The following MAP3K13 variants were observed in gnomAD, a reference collection of about 807,000 sequenced individuals.
The protein encoded by MAP3K13 is leucine zipper-bearing kinase.
A neutral mutation model predicts 104.0 loss-of-function variants in MAP3K13; 52 were observed. The ratio of observed to expected loss-of-function variants is 0.50; its 90% CI spans 0.40 to 0.63. The LOEUF (loss-of-function observed/expected upper bound fraction) is 0.63, where lower values mean the gene tolerates loss of function less well. MAP3K13 is among the 20% of genes least tolerant of loss of function. MAP3K13 has a pLI of 0.00. For missense variants in MAP3K13, 914 were observed against 1,218.5 expected (o/e 0.75, Z 3.72); for synonymous variants, 394 against 442.2 (o/e 0.89, Z 1.37).
At chr3:185,343,185 C>T (rs1053317591) in intron 2 of MAP3K13, among the ~76,000 whole-genome samples, 1 of 152,038 alleles carries the variant, frequency 6.6e-6, no homozygotes, top group Admixed American at 6.6e-5. Context: ...CATCCCAGCA[C>T]CTTTTCTGTA....
chr3:185,355,665 AG>A (rs1723324072), intron 2 of MAP3K13, among the ~76,000 whole-genome samples: 1 of 152,154 alleles, frequency 6.6e-6, no homozygotes, highest in African/African-American at 2.4e-5. Context: ...CAAAAAGCAA[AG>A]AGAACTCAGA....
chr3:185,466,826 G>A lies in MAP3K13; in HGVS notation c.1506G>A (p.Lys502=), dbSNP rs1560128285. ...QLEMREKELI[K]REQAVEKKYP... is the part of the protein sequence containing the mutation. Reference sequence around the variant, plus strand: ...TGTGGCTTTTGCCTTTATTCTGCAGGCGTGAGCAAGCAGTGGAAAAGAAGT... The same window carrying A: ...TGTGGCTTTTGCCTTTATTCTGCAGACGTGAGCAAGCAGTGGAAAAGAAGT... The change falls in exon 10 of 14, where the codon AAG becomes AAA. Residue 502 remains lysine (K), a splice_region_variant and synonymous_variant. Coordinates refer to ENST00000265026, the MANE Select transcript of MAP3K13 (RefSeq NM_004721.5). 1.2e-6 allele frequency: 2 copies of A among 1,613,916 alleles called. No homozygotes were observed. Among genetic ancestry groups the A allele is most frequent in the East Asian group, 2.2e-5 (1 of 44,882 alleles).
intron 2 of MAP3K13, among the ~76,000 whole-genome samples, chr3:185,333,131 GA>G (rs1722344103): frequency 6.6e-6 from 1 of 151,678 alleles, no homozygotes; most frequent in South Asian, 2.1e-4. Flanking sequence ...TTTTTAATTT[GA>G]TAACATTTTT....
chr3:185,418,305 A>C lies in MAP3K13; in HGVS notation c.-85-10192A>C. On this transcript the variant is annotated intron_variant, in intron 1 of 13. Coordinates refer to ENST00000265026, the MANE Select transcript of MAP3K13 (RefSeq NM_004721.5). The surrounding 1 kb of genome is among the most constrained non-coding windows in gnomAD (Gnocchi z 4.5). ...CTTCCTTGGTCTTCTTGTAGCCTTC[A>C]ACTTTATCTTCAAATACCAAAGGAA... is the stretch of plus-strand genomic sequence containing the variant. 4 of 1,582,274 alleles carry C rather than the reference A, an allele frequency of 2.5e-6. No homozygotes were observed. Among genetic ancestry groups the C allele is most frequent in the Non-Finnish European group, 3.5e-6 (4 of 1,152,886 alleles).
At chr3:185,385,621 A>G (rs1057305192) in intron 1 of MAP3K13, among the ~76,000 whole-genome samples, 2 of 152,260 alleles carry the variant, frequency 1.3e-5, no homozygotes, top group Admixed American at 6.5e-5. Flanking sequence ...CAACAAAAAA[A>G]GAAAACTACA....
chr3:185,437,454 G>T lies in MAP3K13; in HGVS notation c.483G>T (p.Trp161Cys). 1 of 1,613,206 alleles carries T rather than the reference G, an allele frequency of 6.2e-7. No homozygotes were observed. Among genetic ancestry groups the T allele is most frequent in the Non-Finnish European group, 8.5e-7 (1 of 1,179,706 alleles). Residue 161 changes from tryptophan (W) to cysteine (C), a missense_variant, in exon 3 of 14, where the codon TGG becomes TGT. Physicochemically the swap from Trp to Cys is radical, Grantham distance 215. Transcript: ENST00000265026. Reference sequence around the variant, plus strand: ...TCTTGCTTGTGTGCCTAGATACTTGGGAAGTGCCATTTGAGGAGATCTCAG... The same window carrying T: ...TCTTGCTTGTGTGCCTAGATACTTGTGAAGTGCCATTTGAGGAGATCTCAG... Reference protein sequence around the residue: ...TDYKLQQQDTWEVPFEEISEL... With the variant: ...TDYKLQQQDTCEVPFEEISEL...
At chr3:185,467,706 C>T (rs1422194499) in intron 10 of MAP3K13, among the ~76,000 whole-genome samples, 1 of 150,018 alleles carries the variant, frequency 6.7e-6, no homozygotes, top group Non-Finnish European at 1.5e-5. Context: ...TCACTTGAAC[C>T]AGGGAGTCGG....
chr3:185,317,667 T>C (rs1721723974), intron 2 of MAP3K13, among the ~76,000 whole-genome samples: 1 of 152,164 alleles, frequency 6.6e-6, no homozygotes. Flanking sequence ...TTTCTTGAAG[T>C]GGGTAAACGT....
At chr3:185,319,018 T>C (rs1419941097) in intron 2 of MAP3K13, among the ~76,000 whole-genome samples, 1 of 152,230 alleles carries the variant, frequency 6.6e-6, no homozygotes, top group African/African-American at 2.4e-5. Flanking sequence ...AATGGTTTTA[T>C]CACATTTCTA....
intron 4 of MAP3K13, among the ~76,000 whole-genome samples, chr3:185,446,305 T>C (rs1057187671): frequency 6.6e-6 from 1 of 151,538 alleles, no homozygotes; most frequent in South Asian, 2.1e-4. Flanking sequence ...GCCCAGGCTG[T>C]AGTGCAGTGG....
Position 185,473,474 on chromosome 3 carries a change from A to G in MAP3K13, c.2143A>G (p.Lys715Glu). ...ADCWRSSEPD[K>E]GQAGPWGCCQ... ...CTGCTGGAGAAGTTCTGAGCCTGAC[A>G]AGGGCCAAGCTGGTCCCTGGGGCTG... is the stretch of plus-strand genomic sequence containing the variant. The change falls in exon 11 of 14, where the codon AAG (lysine) becomes GAG (glutamate). Residue 715 changes from lysine to glutamate, a missense_variant. By Grantham distance (56) the Lys-to-Glu change is moderately conservative. Around this residue, in one of 3 missense-constraint regions of MAP3K13, gnomAD observed 583 missense variants for 737.4 expected, o/e 0.79. Transcript: ENST00000265026. This position sits in a 1 kb window ranked among gnomAD's most constrained non-coding sequence, Gnocchi z 4.9. 1 of 1,614,170 alleles carries G rather than the reference A, an allele frequency of 6.2e-7. No homozygotes were observed. Among genetic ancestry groups the G allele is most frequent in the Non-Finnish European group, 8.5e-7 (1 of 1,180,026 alleles).
chr3:185,470,728 T>C (rs1717724873), intron 10 of MAP3K13, among the ~76,000 whole-genome samples: 1 of 152,204 alleles, frequency 6.6e-6, no homozygotes, highest in Admixed American at 6.5e-5. Flanking sequence ...TTTCAAAAAA[T>C]ACTGTAACAT....
rs541147047 is a variant in MAP3K13 at position 185,370,236 on chromosome 3, C to T, written c.-86+6868C>T. Among the ~76,000 whole-genome samples the T allele has an allele frequency of 2.0e-4, 31 of 152,146 alleles. No homozygotes were observed. The East Asian group carries it at 5.2e-3, about 26-fold the overall frequency. On this transcript the variant is annotated intron_variant, in intron 1 of 13. Transcript: ENST00000265026. ...CGAGATGGAGTTTTGCTCTTGTTGC[C>T]CAGGCTGGAGTGCACTGGCGTGATC...
intron 1 of MAP3K13, among the ~76,000 whole-genome samples, chr3:185,366,841 T>A (rs906583616): frequency 2.0e-5 from 3 of 152,252 alleles, no homozygotes; most frequent in African/African-American, 7.2e-5. Flanking sequence ...AAGCTCTTTA[T>A]CAGATGTATA....
At chr3:185,339,941 A>G (rs1175982604) in intron 2 of MAP3K13, among the ~76,000 whole-genome samples, 1 of 152,252 alleles carries the variant, frequency 6.6e-6, no homozygotes, top group Non-Finnish European at 1.5e-5. Flanking sequence ...AAGCAGTTTT[A>G]ATAACCAATG....
intron 7 of MAP3K13, among the ~76,000 whole-genome samples, chr3:185,462,629 C>T (rs879841187): frequency 6.6e-5 from 10 of 152,044 alleles, no homozygotes; most frequent in Non-Finnish European, 1.2e-4. Flanking sequence ...AAAAATTAGC[C>T]GGGTGTGGTG....
In MAP3K13 at chr3:185,450,861, G is replaced by A. The variant is rs184685849; in HGVS notation, c.1170-426G>A. ...TCCCAGCACTTTAGGAGGCCGAGGC[G>A]GGCGTATCACGAGGTCAGGAGATCG... On this transcript the variant is annotated intron_variant, in intron 6 of 13. Coordinates refer to ENST00000265026, the MANE Select transcript of MAP3K13 (RefSeq NM_004721.5). This position sits in a 1 kb window ranked among gnomAD's most constrained non-coding sequence, Gnocchi z 4.2. Among the ~76,000 whole-genome samples the A allele has an allele frequency of 1.1e-4, 16 of 152,236 alleles. No homozygotes were observed. Among genetic ancestry groups the A allele is most frequent in the Admixed American group, 3.9e-4 (6 of 15,276 alleles).
At chr3:185,336,411 A>C (rs538804320) in intron 2 of MAP3K13, among the ~76,000 whole-genome samples, 1 of 151,904 alleles carries the variant, frequency 6.6e-6, no homozygotes, top group South Asian at 2.1e-4. Flanking sequence ...GCATGGTGGC[A>C]CATGCCTATA....
At position 185,453,783 on chromosome 3, in the gene MAP3K13, T is replaced by A. The variant is rs1199537978; in HGVS notation, c.1278+2388T>A. Among the ~76,000 whole-genome samples the A allele has an allele frequency of 1.3e-4, 17 of 131,530 alleles. 1 individual carries two copies. Among genetic ancestry groups the A allele is most frequent in the African/African-American group, 4.8e-4 (17 of 35,276 alleles). 86.3% of individuals were successfully genotyped at this position (131,530 alleles called of 152,430 possible). A position where few individuals can be genotyped will look rare whatever the true frequency, so the allele number is the denominator to read the frequency against. ...GACTCCGTCTAAAAAAAAAAAAAAT[T>A]ATATATATATATGAGATATATATAT... On this transcript the variant is annotated intron_variant, in intron 7 of 13. Transcript: ENST00000265026.
Sources: allele counts gnomAD v4.1 joint callset (sites outside exome capture counted in the v4.1 genomes callset), GRCh38; gene constraint gnomAD v4.1.1; regional missense constraint gnomAD v4.1.1; non-coding constraint Gnocchi (gnomAD v3.1); transcripts MANE v1.5; gene names NCBI Gene and HGNC (gene_info 2026-07-23, HGNC 2026-07-21).